Variants in USP24 observed in about 807,000 individuals in gnomAD.
USP24 encodes ubiquitin specific peptidase 24, also known as ubiquitin carboxyl-terminal hydrolase 24.
Under a neutral mutation model 361.6 loss-of-function variants are expected in USP24, and 97 were observed. That is an observed-to-expected ratio of 0.27 (90% CI 0.23 to 0.32). The LOEUF is 0.32. Among genes scored for constraint, USP24 ranks in the 10% least tolerant of loss-of-function variants. USP24 has a pLI of 1.00. For missense variants in USP24, 2,353 were observed against 3,165.6 expected (o/e 0.74, Z 6.16); for synonymous variants, 1,098 against 1,124.6 (o/e 0.98, Z 0.47).
chr1:55,089,442 A>G (rs1234445832), intron 55 of USP24, among the ~76,000 whole-genome samples, 185 bp downstream of exon 55: 1 of 152,222 alleles, frequency 6.6e-6, no homozygotes, highest in Admixed American at 6.5e-5. Context: ...GTCACTGAAT[A>G]CTTGCCTGAG....
At chr1:55,205,140 T>C (rs1644673145) in intron 1 of USP24, among the ~76,000 whole-genome samples, 1 of 152,196 alleles carries the variant, frequency 6.6e-6, no homozygotes, top group African/African-American at 2.4e-5. Context: ...GTCAGCCAAG[T>C]GTGTGTTTCC....
At chr1:55,151,890 G>C (rs1647203844) in intron 16 of USP24, 3 of 985,692 alleles carry the variant, frequency 3.0e-6, no homozygotes, top group African/African-American at 3.5e-5. Context: ...AGGGGAGTAA[G>C]AAGTGGGTGA....
At chr1:55,096,835 T>C (rs868415700) in intron 49 of USP24, 117 bp downstream of exon 49, 26 of 1,391,460 alleles carry the variant, frequency 1.9e-5, no homozygotes, top group Admixed American at 2.5e-5. Context: ...AACTTCAAAA[T>C]GAAACACAGT....
chr1:55,147,132 A>G (rs973988545), intron 18 of USP24, 72 bp from the exon 19 acceptor site: 2 of 1,409,426 alleles, frequency 1.4e-6, no homozygotes, highest in East Asian at 2.6e-5. Context: ...AAACAAAACA[A>G]AACTTTAAGT....
At chr1:55,155,597 G>A (rs1647561898) in intron 12 of USP24, among the ~76,000 whole-genome samples, 1 of 152,090 alleles carries the variant, frequency 6.6e-6, no homozygotes, top group Non-Finnish European at 1.5e-5. Context: ...CTTGGGACCC[G>A]GGACTGTTTT....
At chr1:55,201,157 T>C (rs887641651) in intron 1 of USP24, among the ~76,000 whole-genome samples, 2 of 152,224 alleles carry the variant, frequency 1.3e-5, no homozygotes, top group African/African-American at 4.8e-5. Flanking sequence ...TTTAAGAGAC[T>C]ATTTGAGAAG....
chr1:55,121,815 A>G (rs1034127772), intron 36 of USP24, among the ~76,000 whole-genome samples: 1 of 152,246 alleles, frequency 6.6e-6, no homozygotes, highest in African/African-American at 2.4e-5. Context: ...AATATACCTT[A>G]AAATAAACTT....
chr1:55,097,202 G>A lies in USP24; in HGVS notation c.5716-30C>T, dbSNP rs772311161. ...GTAGAAGCAAAAAGACCATATTAAC[G>A]TTGATTACTAACATATACAGCAGTA... On this transcript the variant is annotated intron_variant, in intron 48 of 67. Coordinates refer to ENST00000294383, the MANE Select transcript of USP24 (RefSeq NM_015306.3). 1.9e-5 allele frequency: 31 copies of A among 1,609,392 alleles called. No homozygotes were observed. In the East Asian group the frequency reaches 2.2e-4, roughly 12 times the overall value.
chr1:55,101,481 T>TC (rs1168454863), intron 43 of USP24, 103 bp downstream of exon 43: 2 of 1,472,330 alleles, frequency 1.4e-6, no homozygotes, highest in Non-Finnish European at 1.8e-6. Flanking sequence ...GCAAGTTATG[T>TC]CTTGTTTTAG....
At chr1:55,135,263 G>A (rs540873122) in intron 28 of USP24, among the ~76,000 whole-genome samples, 1 of 152,168 alleles carries the variant, frequency 6.6e-6, no homozygotes, top group Admixed American at 6.5e-5. Context: ...AGGATTACAG[G>A]CATGAGCCAC....
At position 55,083,855 on chromosome 1, in the gene USP24, G is replaced by A; in HGVS notation, c.6799C>T (p.Leu2267Phe). The change falls in exon 57 of 68, where the codon CTT (leucine) becomes TTT (phenylalanine). Residue 2267 changes from leucine (L) to phenylalanine (F), a missense_variant. Coordinates refer to ENST00000294383, the MANE Select transcript of USP24 (RefSeq NM_015306.3). ...GGGACGTCTTTGTCCAACAGAGCAA[G>A]TAGTACCTCCAGTAACTGATGAAGG... ...KSLHQLLEVL[L>F]ALLDKDVPEN... The A allele has an allele frequency of 1.2e-6, 2 of 1,603,680 alleles. No homozygotes were observed. Among genetic ancestry groups the A allele is most frequent in the Non-Finnish European group, 1.7e-6 (2 of 1,174,738 alleles).
At position 55,193,014 on chromosome 1, in the gene USP24, G is replaced by GA. The variant is rs529259084; in HGVS notation, c.325-14883dup. On this transcript the variant is annotated intron_variant, in intron 1 of 67. Coordinates refer to ENST00000294383, the MANE Select transcript of USP24 (RefSeq NM_015306.3). ...CCAATTGTGAACTGAAAATATTTGG[G>GA]AAAAAATGGATGGTTGCATTTGTAT... Among the ~76,000 whole-genome samples, 14 of 152,122 alleles carry GA rather than the reference G, an allele frequency of 9.2e-5. No homozygotes were observed. The South Asian group carries it at 2.9e-3, about 32-fold the overall frequency.
intron 35 of USP24, among the ~76,000 whole-genome samples, chr1:55,124,067 A>G (rs967337569): frequency 6.6e-6 from 1 of 152,234 alleles, no homozygotes; most frequent in Admixed American, 6.5e-5. Flanking sequence ...GACCAAATAA[A>G]GCTGGGAAAT....
intron 55 of USP24, among the ~76,000 whole-genome samples, chr1:55,088,891 GTAC>G (rs1645311304): frequency 6.6e-6 from 1 of 151,902 alleles, no homozygotes; most frequent in African/African-American, 2.4e-5. Flanking sequence ...CTAGGTAGAT[GTAC>G]TATCATAGGT....
chr1:55,113,115 T>C (rs775120010), intron 38 of USP24, among the ~76,000 whole-genome samples: 12 of 152,076 alleles, frequency 7.9e-5, no homozygotes, highest in Non-Finnish European at 1.8e-4. Flanking sequence ...TCCATTTGCT[T>C]GGGAAAAATT....
In USP24 at chr1:55,123,394, GA is replaced by G. The variant is rs1394146482; in HGVS notation, c.4276+52del. 3.4e-6 allele frequency: 5 copies of G among 1,452,272 alleles called. No individual in the cohort carries two copies. In the East Asian group the frequency reaches 1.3e-4, roughly 37 times the overall value. 90.0% of individuals were successfully genotyped at this position (1,452,272 alleles called of 1,614,324 possible). A position where few individuals can be genotyped will look rare whatever the true frequency, so the allele number is the denominator to read the frequency against. On this transcript the variant is annotated intron_variant, in intron 36 of 67. Coordinates refer to ENST00000294383, the MANE Select transcript of USP24 (RefSeq NM_015306.3). The stretch of plus-strand genomic sequence containing the variant: ...GAAGAAATGTAAAGAATTCCCAACA[GA>G]AACTTGGCCTTTCCCTGAAAGAGAT...
Position 55,125,471 on chromosome 1 carries a change from G to A in USP24, c.3809C>T (p.Ser1270Phe), listed in dbSNP as rs778160745. The change falls in exon 34 of 68, where the codon TCC becomes TTC. Residue 1270 changes from serine to phenylalanine, a missense_variant. Physicochemically the swap from Ser to Phe is radical, Grantham distance 155 (BLOSUM62 -2). This residue lies in a region of USP24 where 949 missense variants were observed against 1,280.5 expected (regional missense o/e 0.74). Transcript: ENST00000294383. ...LTKDGIEALS[S>F]RPFRNVSRQT... ...CCGGCTGACATTTCGGAATGGGCGG[G>A]AAGAAAGTGCTTCTATACCATCTTT... The A allele has an allele frequency of 7.4e-6, 12 of 1,613,970 alleles. No individual in the cohort carries two copies. The Admixed American group carries it at 1.8e-4, about 25-fold the overall frequency.
chr1:55,202,127 A>G (rs1322875776), intron 1 of USP24, among the ~76,000 whole-genome samples: 1 of 152,206 alleles, frequency 6.6e-6, no homozygotes, highest in Non-Finnish European at 1.5e-5. Context: ...GAGCGCATCA[A>G]TATTCACCAT....
In USP24 at chr1:55,070,846, C is replaced by T. The variant is rs567091472; in HGVS notation, c.7800+968G>A. Among the ~76,000 whole-genome samples the T allele has an allele frequency of 1.4e-3, 211 of 152,184 alleles. 1 individual carries two copies. Among genetic ancestry groups the T allele is most frequent in the South Asian group, 9.3e-3 (45 of 4,816 alleles). ...GAACGCAAAGCTCTGCCAAGGTGGG[C>T]GGGGATGAGCGCTAGGGGCTTTGGG... On this transcript the variant is annotated intron_variant, in intron 67 of 67. Coordinates refer to ENST00000294383, the MANE Select transcript of USP24 (RefSeq NM_015306.3).
Sources: allele counts gnomAD v4.1 joint callset (sites outside exome capture counted in the v4.1 genomes callset), GRCh38; gene constraint gnomAD v4.1.1; regional missense constraint gnomAD v4.1.1; transcripts MANE v1.5; gene names NCBI Gene and HGNC (gene_info 2026-07-23, HGNC 2026-07-21).